Variants in GRAMD1C observed in about 807,000 individuals in gnomAD.
GRAMD1C encodes the protein GRAM domain containing 1C, also known as protein Aster-C.
In GRAMD1C, 89 loss-of-function variants were observed where a neutral mutation model predicts 97.8. The observed-to-expected ratio is 0.91, with a 90% CI of 0.77 to 1.09. GRAMD1C has a LOEUF of 1.09. GRAMD1C is among the 50% of genes least tolerant of loss of function. GRAMD1C has a pLI of 0.00. For missense variants in GRAMD1C, 740 were observed against 766.4 expected, an observed-to-expected ratio of 0.97 and a Z score of 0.41; for synonymous variants, 256 against 267.0, an observed-to-expected ratio of 0.96 and a Z score of 0.40.
At chr3:113,908,540 G>A (rs921833058) in intron 8 of GRAMD1C, among the ~76,000 whole-genome samples, 7 of 152,288 alleles carry the variant, frequency 4.6e-5, no homozygotes, top group African/African-American at 1.4e-4. Context: ...GGTCTTGAGA[G>A]ATGGGTGAGT....
chr3:113,890,042 A>G (rs1935655868), intron 6 of GRAMD1C, among the ~76,000 whole-genome samples: 1 of 148,998 alleles, frequency 6.7e-6, no homozygotes, highest in East Asian at 2.0e-4. Flanking sequence ...TTTGGCCTCC[A>G]GAGCTCTTCA....
At chr3:113,882,682 G>GA (rs1299070858) in intron 5 of GRAMD1C, 70 bp from the exon 6 acceptor site, 6 of 890,398 alleles carry the variant, frequency 6.7e-6, no homozygotes, top group Non-Finnish European at 1.1e-5. Flanking sequence ...AGTCCGCATA[G>GA]ACTTTCATGA....
rs1938121145 is a variant in GRAMD1C at position 113,946,951 on chromosome 3, G to A, written c.*1473G>A. ...GTCTGGCTGTAAGCAAGAATGAGTG[G>A]ATTATAAACTTGAAGATTTCTCTGT... On this transcript the variant is annotated 3_prime_UTR_variant, in exon 18 of 18. Coordinates refer to ENST00000358160, the MANE Select transcript of GRAMD1C (RefSeq NM_017577.5). 1 of 152,148 alleles carries A rather than the reference G, an allele frequency of 6.6e-6. No individual in the cohort carries two copies. Among genetic ancestry groups the A allele is most frequent in the South Asian group, 2.1e-4 (1 of 4,832 alleles). 9.4% of individuals were successfully genotyped at this position (152,148 alleles called of 1,614,324 possible).
At chr3:113,884,628 C>G (rs1168309487) in intron 6 of GRAMD1C, among the ~76,000 whole-genome samples, 2 of 152,052 alleles carry the variant, frequency 1.3e-5, no homozygotes. Context: ...GTCAGGAGAT[C>G]GAGACCATCC....
intron 6 of GRAMD1C, among the ~76,000 whole-genome samples, chr3:113,892,070 T>A (rs1290113381): frequency 6.6e-6 from 1 of 152,080 alleles, no homozygotes; most frequent in Non-Finnish European, 1.5e-5. Flanking sequence ...TGTGCATTTG[T>A]TTTATTTATT....
chr3:113,871,367 A>C (rs1934804096), intron 3 of GRAMD1C, among the ~76,000 whole-genome samples: 1 of 152,138 alleles, frequency 6.6e-6, no homozygotes, highest in Non-Finnish European at 1.5e-5. Context: ...GTATATATTT[A>C]ATTGAAAACA....
chr3:113,856,291 T>C (rs1171108618), intron 2 of GRAMD1C, among the ~76,000 whole-genome samples: 1 of 152,114 alleles, frequency 6.6e-6, no homozygotes, highest in African/African-American at 2.4e-5. Flanking sequence ...ACATGCATTT[T>C]TGAAGAAATA....
chr3:113,932,872 A>G (rs1352245196), intron 11 of GRAMD1C, among the ~76,000 whole-genome samples: 2 of 132,958 alleles, frequency 1.5e-5, no homozygotes, highest in Non-Finnish European at 3.1e-5. Context: ...ACCCCAACTA[A>G]TATTTTCTTC....
At chr3:113,861,568 G>A (rs1934375395) in intron 2 of GRAMD1C, among the ~76,000 whole-genome samples, 1 of 152,116 alleles carries the variant, frequency 6.6e-6, no homozygotes, top group South Asian at 2.1e-4. Flanking sequence ...TTAAGAAAAT[G>A]AAAAGATCAC....
chr3:113,843,176 G>T (rs965683241), intron 1 of GRAMD1C, among the ~76,000 whole-genome samples: 26 of 151,038 alleles, frequency 1.7e-4, no homozygotes, highest in Admixed American at 1.1e-3. Flanking sequence ...CCAGGCTCAG[G>T]CAATCCTCCC....
chr3:113,885,032 C>G (rs916252885), intron 6 of GRAMD1C, among the ~76,000 whole-genome samples: 6 of 150,794 alleles, frequency 4.0e-5, no homozygotes, highest in African/African-American at 1.5e-4. Flanking sequence ...TGTCTCGGCC[C>G]GCAACTTCCC....
At chr3:113,872,425 C>T (rs1347157787) in intron 3 of GRAMD1C, among the ~76,000 whole-genome samples, 2 of 130,568 alleles carry the variant, frequency 1.5e-5, no homozygotes, top group Non-Finnish European at 1.6e-5. Flanking sequence ...GATAGAGTCT[C>T]GCCCTGTCAC....
chr3:113,933,830 G>A (rs1184089526), intron 12 of GRAMD1C, among the ~76,000 whole-genome samples, 177 bp downstream of exon 12: 4 of 152,182 alleles, frequency 2.6e-5, no homozygotes, highest in Admixed American at 2.6e-4. Context: ...CTTGATGAAG[G>A]CTTTGACACC....
chr3:113,859,091 TTTTA>T (rs757581228), intron 2 of GRAMD1C, among the ~76,000 whole-genome samples: 1 of 152,158 alleles, frequency 6.6e-6, no homozygotes, highest in Admixed American at 6.5e-5. Flanking sequence ...TTCTGTTCTT[TTTTA>T]TTTACTTTTT....
chr3:113,897,240 A>G (rs1295093491), intron 6 of GRAMD1C, among the ~76,000 whole-genome samples: 1 of 152,210 alleles, frequency 6.6e-6, no homozygotes, highest in Non-Finnish European at 1.5e-5. Context: ...CCAGAATTGC[A>G]TAGAAATTAC....
chr3:113,917,398 A>G (rs565559434), intron 10 of GRAMD1C, among the ~76,000 whole-genome samples: 3 of 152,094 alleles, frequency 2.0e-5, no homozygotes, highest in African/African-American at 7.2e-5. Context: ...ATCTCGGCTC[A>G]CTGCAACATC....
chr3:113,928,788 G>A lies in GRAMD1C; in HGVS notation c.1091-1926G>A, dbSNP rs149450374. On this transcript the variant is annotated intron_variant, in intron 10 of 17. Coordinates refer to ENST00000358160, the MANE Select transcript of GRAMD1C (RefSeq NM_017577.5). ...GCCTTCCAGGTTCATCCTCGTTGGG[G>A]CATGTATCAGAATGTATTCCTTTTT... is the stretch of plus-strand genomic sequence containing the variant. 2.6e-5 allele frequency among the ~76,000 whole-genome samples: 4 copies of A among 152,296 alleles called. No homozygotes were observed. The South Asian group carries it at 6.2e-4, about 24-fold the overall frequency.
rs1249957564 is a variant in GRAMD1C, at chr3:113,933,484, C to A, written c.1210-27C>A. Reference sequence around the variant, plus strand: ...GATTCATATATTAAGCATATACATACAAACATTTTTTATCTTACTTTGGCA... The same window carrying A: ...GATTCATATATTAAGCATATACATAAAAACATTTTTTATCTTACTTTGGCA... On this transcript the variant is annotated intron_variant, in intron 11 of 17. Coordinates refer to ENST00000358160, the MANE Select transcript of GRAMD1C (RefSeq NM_017577.5). The A allele has an allele frequency of 3.2e-6, 5 of 1,562,796 alleles. No individual in the cohort carries two copies. In the Admixed American group the frequency reaches 8.4e-5, roughly 26 times the overall value.
chr3:113,919,593 G>T, intron 10 of GRAMD1C: 1 of 587,208 alleles, frequency 1.7e-6, no homozygotes, highest in Admixed American at 2.1e-5. Context: ...ATCGGTGCCA[G>T]TGTTCACTTG....
Sources: gnomAD v4.1 joint callset for allele counts (sites outside exome capture counted in the v4.1 genomes callset) on GRCh38, gnomAD v4.1.1 for gene constraint, MANE v1.5 for transcripts, NCBI Gene and HGNC (gene_info 2026-07-23, HGNC 2026-07-21) for gene names.